The following RGMA variants were observed in gnomAD, a reference collection of about 807,000 sequenced individuals.
RGMA encodes repulsive guidance molecule A.
A neutral mutation model predicts 23.2 loss-of-function variants in RGMA; 10 were observed. The ratio of observed to expected loss-of-function variants is 0.43; its 90% confidence interval spans 0.27 to 0.73. The LOEUF is 0.73. RGMA is among the 30% of genes least tolerant of loss of function. The probability of loss-of-function intolerance (pLI) is 0.20; values close to 1 mark genes in which losing one functional copy is unlikely to be tolerated. For missense variants in RGMA, 547 were observed against 630.5 expected (o/e 0.87, Z 1.42); for synonymous variants, 308 against 279.3 (o/e 1.10, Z -1.03).
Position 93,040,526 on chromosome 15 carries a change from T to C in RGMA, c.*4472A>G, listed in dbSNP as rs988912296. 6.6e-6 allele frequency: 1 copy of C among 152,256 alleles called. No homozygotes were observed. The allele number at this position is 152,256 out of a possible 1,614,324, so 9.4% of individuals were successfully genotyped here. ...GTTCCTGAAATTCATGCAGGTGAGC[T>C]AGTCGGAGGCCTCCCCTTAACCCCA... On this transcript the variant is annotated 3_prime_UTR_variant, in exon 4 of 4. Transcript: ENST00000329082.
In RGMA at chr15:93,044,302, C is replaced by T. The variant is rs2054775809; in HGVS notation, c.*696G>A. Reference sequence around the variant, plus strand: ...GCACAGGGTGGAAGGGGCAGGGGCCCAGGCCAGAGACGGGCAGCTGAGCAG... The same window carrying T: ...GCACAGGGTGGAAGGGGCAGGGGCCTAGGCCAGAGACGGGCAGCTGAGCAG... On this transcript the variant is annotated 3_prime_UTR_variant, in exon 4 of 4. Coordinates refer to ENST00000329082, the MANE Select transcript of RGMA (RefSeq NM_020211.3). 1 of 152,674 alleles carries T rather than the reference C, an allele frequency of 6.5e-6. No individual in the cohort carries two copies. The highest frequency in any genetic ancestry group is 1.5e-5 in the Non-Finnish European group (1 of 68,396). 9.5% of individuals were successfully genotyped at this position (152,674 alleles called of 1,614,324 possible). A position where few individuals can be genotyped will look rare whatever the true frequency, so the allele number is the denominator to read the frequency against.
Position 93,043,555 on chromosome 15 carries a change from A to G in RGMA, c.*1443T>C, listed in dbSNP as rs1242317748. 6.6e-6 allele frequency: 1 copy of G among 152,516 alleles called. No individual in the cohort carries two copies. Among genetic ancestry groups the G allele is most frequent in the Non-Finnish European group, 1.5e-5 (1 of 68,058 alleles). The allele number at this position is 152,516 out of a possible 1,614,324, so 9.4% of individuals were successfully genotyped here. A position where few individuals can be genotyped will look rare whatever the true frequency, so the allele number is the denominator to read the frequency against. On this transcript the variant is annotated 3_prime_UTR_variant, in exon 4 of 4. Transcript: ENST00000329082. ...ACTTCCAAGCAGAACGTGAGCAAAC[A>G]CAACCAAAATAAAGTGCTTCACTTT...
chr15:93,051,634 G>A (rs2054920876), intron 3 of RGMA, among the ~76,000 whole-genome samples: 1 of 152,222 alleles, frequency 6.6e-6, no homozygotes, highest in South Asian at 2.1e-4. Context: ...GCCCGCAGTG[G>A]CCTCGTGGGG....
chr15:93,047,915 G>A lies in RGMA; in HGVS notation c.646-2210C>T, dbSNP rs1028428213. Reference sequence around the variant, plus strand: ...AGGGCAGGCAGGGAAACCACAGAAGGACCTCAGCTCAGGCAGGAGAGTCGC... The same window carrying A: ...AGGGCAGGCAGGGAAACCACAGAAGAACCTCAGCTCAGGCAGGAGAGTCGC... On this transcript the variant is annotated intron_variant, in intron 3 of 3. Transcript: ENST00000329082. 2.6e-4 allele frequency among the ~76,000 whole-genome samples: 40 copies of A among 152,188 alleles called. 1 individual carries two copies. The highest frequency in any genetic ancestry group is 1.2e-4 in the Non-Finnish European group (8 of 68,026).
At position 93,035,458 on chromosome 15, in the gene RGMA, C is replaced by T. The variant is rs2054650574; in HGVS notation, c.*9540G>A. ...CAGGGTGGGCTCAGTGGATGGAAAA[C>T]CTCTTAAGAGGAAACACCTGGGGGG... On this transcript the variant is annotated 3_prime_UTR_variant, in exon 4 of 4. Coordinates refer to ENST00000329082, the MANE Select transcript of RGMA (RefSeq NM_020211.3). 6.6e-6 allele frequency: 1 copy of T among 152,206 alleles called. No individual in the cohort carries two copies. The highest frequency in any genetic ancestry group is 2.4e-5 in the African/African-American group (1 of 41,402). 9.4% of individuals were successfully genotyped at this position (152,206 alleles called of 1,614,324 possible).
intron 2 of RGMA, chr15:93,066,352 G>C: frequency 2.6e-6 from 2 of 766,458 alleles, no homozygotes; most frequent in Non-Finnish European, 4.8e-6. Context: ...CCCAGGACTC[G>C]GAGTGCCAGC....
chr15:93,054,187 G>A (rs566300746), intron 2 of RGMA, among the ~76,000 whole-genome samples: 60 of 140,070 alleles, frequency 4.3e-4, no homozygotes, highest in African/African-American at 1.1e-3. Context: ...CTGAGATGGC[G>A]CCACTGTACT....
At chr15:93,080,178 T>C (rs915820055) in intron 1 of RGMA, among the ~76,000 whole-genome samples, 2 of 152,208 alleles carry the variant, frequency 1.3e-5, no homozygotes, top group South Asian at 4.1e-4. Context: ...TATTGGATTT[T>C]ATTCCAAAAT....
intron 1 of RGMA, among the ~76,000 whole-genome samples, chr15:93,087,453 CTTTGT>C (rs1895652424): frequency 5.9e-5 from 3 of 50,504 alleles, no homozygotes; most frequent in African/African-American, 7.9e-5. Flanking sequence ...GAAACCCCTT[CTTTGT>C]ATGTGCAAAA....
In RGMA at chr15:93,039,029, A is replaced by G. The variant is rs1356524963; in HGVS notation, c.*5969T>C. ...CGCTTAACCTGGGTGGGCACCATCTAATCACCTGCCAGCGAGGCTAGGATA... is the reference window on the plus strand; with the variant it reads ...CGCTTAACCTGGGTGGGCACCATCTGATCACCTGCCAGCGAGGCTAGGATA... On this transcript the variant is annotated 3_prime_UTR_variant, in exon 4 of 4. Coordinates refer to ENST00000329082, the MANE Select transcript of RGMA (RefSeq NM_020211.3). The G allele has an allele frequency of 2.0e-5, 3 of 152,182 alleles. No homozygotes were observed. Among genetic ancestry groups the G allele is most frequent in the Admixed American group, 6.5e-5 (1 of 15,274 alleles). The allele number at this position is 152,182 out of a possible 1,614,324, so 9.4% of individuals were successfully genotyped here. A position where few individuals can be genotyped will look rare whatever the true frequency, so the allele number is the denominator to read the frequency against.
intron 3 of RGMA, among the ~76,000 whole-genome samples, chr15:93,051,239 G>A (rs992264079): frequency 6.6e-6 from 1 of 152,222 alleles, no homozygotes; most frequent in Admixed American, 6.5e-5. Context: ...GGGGTGGGAA[G>A]GAACAGAAAC....
At chr15:93,077,015 G>A (rs1310694563) in intron 1 of RGMA, among the ~76,000 whole-genome samples, 3 of 152,198 alleles carry the variant, frequency 2.0e-5, no homozygotes, top group Non-Finnish European at 4.4e-5. Context: ...CCCAGTGTAG[G>A]AGTATGCCAG....
intron 2 of RGMA, chr15:93,066,482 G>A (rs571507543): frequency 1.5e-5 from 8 of 545,746 alleles, no homozygotes; most frequent in East Asian, 1.4e-4. Flanking sequence ...GGCACCAAGG[G>A]GGTCCCATCC....
At position 93,088,950 on chromosome 15, in the gene RGMA, G is replaced by T; in HGVS notation, c.-18C>A. 6 of 1,392,300 alleles carry T rather than the reference G, an allele frequency of 4.3e-6. No homozygotes were observed. The highest frequency in any genetic ancestry group is 5.6e-6 in the Non-Finnish European group (6 of 1,079,442). 86.2% of individuals were successfully genotyped at this position (1,392,300 alleles called of 1,614,324 possible). A position where few individuals can be genotyped will look rare whatever the true frequency, so the allele number is the denominator to read the frequency against. ...GGCTGCATGAGCCCCTGCGGCCCGC[G>T]GGGGGTGGCGCTGGCGGGGCTGCGG... is the stretch of plus-strand genomic sequence containing the variant. On this transcript the variant is annotated 5_prime_UTR_variant, in exon 1 of 4. Transcript: ENST00000329082.
intron 2 of RGMA, among the ~76,000 whole-genome samples, chr15:93,068,834 T>C (rs1000545902): frequency 7.9e-5 from 12 of 152,206 alleles, no homozygotes; most frequent in Admixed American, 7.9e-4. Flanking sequence ...AGTGCTCTTA[T>C]AAAAGGGACC....
chr15:93,074,036 C>T (rs370528764), intron 1 of RGMA: 1 of 1,372,332 alleles, frequency 7.3e-7, no homozygotes, highest in Non-Finnish European at 9.4e-7. Context: ...GAAACATCTC[C>T]TTCCCAAGGT....
chr15:93,073,538 T>C, intron 1 of RGMA: 2 of 1,486,130 alleles, frequency 1.3e-6, no homozygotes, highest in Non-Finnish European at 1.8e-6. Context: ...AGAAAAACTG[T>C]CCTTGGAGGC....
chr15:93,047,994 C>A (rs1371447469), intron 3 of RGMA, among the ~76,000 whole-genome samples: 2 of 152,164 alleles, frequency 1.3e-5, no homozygotes, highest in African/African-American at 4.8e-5. Flanking sequence ...CCATCCTGTT[C>A]TCTGGGGCCC....
intron 2 of RGMA, among the ~76,000 whole-genome samples, chr15:93,060,056 T>A (rs1039842016): frequency 2.6e-5 from 4 of 152,134 alleles, no homozygotes; most frequent in Admixed American, 2.0e-4. Flanking sequence ...AGTACTGCAG[T>A]CCAGAAAGTT....
Sources: allele counts gnomAD v4.1 joint callset (sites outside exome capture counted in the v4.1 genomes callset), GRCh38; gene constraint gnomAD v4.1.1; transcripts MANE v1.5; gene names NCBI Gene and HGNC (gene_info 2026-07-23, HGNC 2026-07-21).